RTP3: variants seen among roughly 807,000 people sequenced by gnomAD.
RTP3 encodes receptor transporter protein 3.
A neutral mutation model predicts 6.2 loss-of-function variants in RTP3; 2 were observed. The ratio of observed to expected loss-of-function variants is 0.32; its 90% CI spans 0.13 to 1.02. The LOEUF (loss-of-function observed/expected upper bound fraction) is 1.02, where lower values mean the gene tolerates loss of function less well. Ranked by LOEUF, RTP3 falls within the 50% of genes least tolerant of loss-of-function variation. The pLI is 0.47. For missense variants in RTP3, 252 were observed against 280.8 expected, an observed-to-expected ratio of 0.90 and a Z score of 0.73; for synonymous variants, 106 against 98.3, an observed-to-expected ratio of 1.08 and a Z score of -0.47.
chr3:46,498,598 G>A (rs527485578), intron 1 of RTP3, among the ~76,000 whole-genome samples: 33 of 152,308 alleles, frequency 2.2e-4, no homozygotes, highest in African/African-American at 7.0e-4. Flanking sequence ...AGAGACTCAC[G>A]GCACTGAGCA....
At chr3:46,499,976 A>G (rs1466738864) in intron 1 of RTP3, among the ~76,000 whole-genome samples, 2 of 152,170 alleles carry the variant, frequency 1.3e-5, no homozygotes, top group African/African-American at 2.4e-5. Flanking sequence ...TTGAATCTAC[A>G]TTTGAAGAAG....
At position 46,500,372 on chromosome 3, in the gene RTP3, T is replaced by C; in HGVS notation, c.172T>C (p.Cys58Arg). The change falls in exon 2 of 2, where the codon TGC (cysteine) becomes CGC (arginine). Residue 58 changes from cysteine to arginine, a missense_variant. By Grantham distance (180) the Cys-to-Arg change is radical. Coordinates refer to ENST00000296142, the MANE Select transcript of RTP3 (RefSeq NM_031440.2). The part of the protein sequence containing the change: ...WTFARFQCSS[C>R]SRNWASAQVL... ...TCTCCACAGGTTCCAGTGCTCCTCC[T>C]GCTCTCGTAACTGGGCCTCTGCCCA... is the stretch of plus-strand genomic sequence containing the variant. 6.2e-7 allele frequency: 1 copy of C among 1,610,440 alleles called. No homozygotes were observed. Among genetic ancestry groups the C allele is most frequent in the Non-Finnish European group, 8.5e-7 (1 of 1,178,568 alleles).
Position 46,498,200 on chromosome 3 carries a change from G to A in RTP3, c.138G>A (p.Gln46=). Residue 46 remains glutamine (Q), a synonymous_variant, in exon 1 of 2, where the codon CAG becomes CAA. Coordinates refer to ENST00000296142, the MANE Select transcript of RTP3 (RefSeq NM_031440.2). The part of the protein sequence containing the change: ...NVLKPGWMQY[Q]QWTFARFQCS... ...TGAAGCCAGGCTGGATGCAATACCAGCAGTGGACCTTCGCCAGGTGAGGGG... is the reference window on the plus strand; with the variant it reads ...TGAAGCCAGGCTGGATGCAATACCAACAGTGGACCTTCGCCAGGTGAGGGG... 1 of 1,614,228 alleles carries A rather than the reference G, an allele frequency of 6.2e-7. No homozygotes were observed.
Position 46,498,235 on chromosome 3 carries a change from GGTA to G in RTP3, c.155+19_155+21del. 6.2e-7 allele frequency: 1 copy of G among 1,613,810 alleles called. No individual in the cohort carries two copies. Among genetic ancestry groups the G allele is most frequent in the South Asian group, 1.1e-5 (1 of 91,080 alleles). The stretch of plus-strand genomic sequence containing the variant: ...TTCGCCAGGTGAGGGGGAATGTGAT[GGTA>G]CACGTTCCAGAAAATTCTTGCACAT... On this transcript the variant is annotated intron_variant, in intron 1 of 1. Coordinates refer to ENST00000296142, the MANE Select transcript of RTP3 (RefSeq NM_031440.2).
At chr3:46,500,004 G>A (rs1274820804) in intron 1 of RTP3, among the ~76,000 whole-genome samples, 1 of 152,194 alleles carries the variant, frequency 6.6e-6, no homozygotes, top group East Asian at 1.9e-4. Flanking sequence ...TTGGAATAGG[G>A]AGACCACAGT....
rs1703701046 is a variant in RTP3, at chr3:46,500,849, TGTG to T, written c.650_652del (p.Cys217_Val218delinsPhe). ...TAGGAACTTAAGCATTTTCTGCTGTTGTGTCATTCTCATTGTTATCGTGGTGAT... is the reference window on the plus strand; with the variant it reads ...TAGGAACTTAAGCATTTTCTGCTGTTTCATTCTCATTGTTATCGTGGTGAT... On this transcript the variant is annotated inframe_deletion, in exon 2 of 2. Coordinates refer to ENST00000296142, the MANE Select transcript of RTP3 (RefSeq NM_031440.2). The T allele has an allele frequency of 6.2e-7, 1 of 1,605,774 alleles. No individual in the cohort carries two copies. The highest frequency in any genetic ancestry group is 1.3e-5 in the African/African-American group (1 of 74,624).
At position 46,500,498 on chromosome 3, in the gene RTP3, C is replaced by G. The variant is rs370609761; in HGVS notation, c.298C>G (p.Leu100Val). The change falls in exon 2 of 2, where the codon CTG becomes GTG. Residue 100 changes from leucine (L) to valine (V), a missense_variant. Transcript: ENST00000296142. ...TQRCKKCPQP[L>V]FEDPEFTQEN... ...GAGATGTAAGAAGTGCCCCCAACCT[C>G]TGTTTGAGGACCCTGAGTTCACACA... 1.6e-5 allele frequency: 26 copies of G among 1,614,230 alleles called. No individual in the cohort carries two copies. The African/African-American group carries it at 2.7e-4, about 17-fold the overall frequency.
rs751262731 is a variant in RTP3, at chr3:46,500,713, C to G, written c.513C>G (p.Leu171=). 50 of 1,613,614 alleles carry G rather than the reference C, an allele frequency of 3.1e-5. No individual in the cohort carries two copies. The highest frequency in any genetic ancestry group is 4.2e-5 in the Non-Finnish European group (50 of 1,179,846). Reference sequence around the variant, plus strand: ...CTGGGCCCATACAGGTTACAAGCCTCCCCCCATCTCAGACCCCAAGAGTAC... The same window carrying G: ...CTGGGCCCATACAGGTTACAAGCCTGCCCCCATCTCAGACCCCAAGAGTAC... The part of the protein sequence containing the change: ...FCAGPIQVTS[L]PPSQTPRVHS... The change falls in exon 2 of 2, where the codon CTC becomes CTG. Residue 171 remains leucine (L), a synonymous_variant. Transcript: ENST00000296142.
chr3:46,500,620 C>T lies in RTP3; in HGVS notation c.420C>T (p.Ile140=). 6.2e-7 allele frequency: 1 copy of T among 1,614,160 alleles called. No individual in the cohort carries two copies. The highest frequency in any genetic ancestry group is 1.1e-5 in the South Asian group (1 of 91,064). ...AGTTGATAGAGGAGGTTCCTATGAT[C>T]AAGGACATCTCTCTTGAAGGGCCAC... The part of the protein sequence containing the change: ...RFQLIEEVPM[I]KDISLEGPHN... Residue 140 remains isoleucine, a synonymous_variant, in exon 2 of 2, where the codon ATC becomes ATT. Coordinates refer to ENST00000296142, the MANE Select transcript of RTP3 (RefSeq NM_031440.2).
chr3:46,498,392 A>G (rs1236693891), intron 1 of RTP3, among the ~76,000 whole-genome samples, 175 bp downstream of exon 1: 1 of 152,238 alleles, frequency 6.6e-6, no homozygotes, highest in Non-Finnish European at 1.5e-5. Context: ...CACTATTACA[A>G]TGAACCCCAA....
In RTP3 at chr3:46,498,213, G is replaced by A. The variant is rs775317331; in HGVS notation, c.151G>A (p.Ala51Thr). 5.8e-5 allele frequency: 93 copies of A among 1,614,032 alleles called. No individual in the cohort carries two copies. The highest frequency in any genetic ancestry group is 8.8e-5 in the South Asian group (8 of 91,080). Residue 51 changes from alanine to threonine, a missense_variant, in exon 1 of 2, where the codon GCC (alanine) becomes ACC (threonine). Ala to Thr is a moderately conservative substitution (Grantham distance 58). Coordinates refer to ENST00000296142, the MANE Select transcript of RTP3 (RefSeq NM_031440.2). ...GATGCAATACCAGCAGTGGACCTTC[G>A]CCAGGTGAGGGGGAATGTGATGGTA... ...GWMQYQQWTF[A>T]RFQCSSCSRN...
In RTP3 at chr3:46,500,485, G is replaced by T. The variant is rs200817437; in HGVS notation, c.285G>T (p.Lys95Asn). The change falls in exon 2 of 2, where the codon AAG (lysine) becomes AAT (asparagine). Residue 95 changes from lysine (K) to asparagine (N), a missense_variant. Transcript: ENST00000296142. ...GGGTGTTTACCCAGAGATGTAAGAA[G>T]TGCCCCCAACCTCTGTTTGAGGACC... is the stretch of plus-strand genomic sequence containing the variant. ...KMRVFTQRCK[K>N]CPQPLFEDPE... is the part of the protein sequence containing the mutation. 1.1e-5 allele frequency: 17 copies of T among 1,614,238 alleles called. No homozygotes were observed. The highest frequency in any genetic ancestry group is 1.4e-5 in the Non-Finnish European group (17 of 1,180,042).
At position 46,500,609 on chromosome 3, in the gene RTP3, G is replaced by A. The variant is rs910095140; in HGVS notation, c.409G>A (p.Val137Ile). Residue 137 changes from valine (V) to isoleucine (I), a missense_variant, in exon 2 of 2, where the codon GTT (valine) becomes ATT (isoleucine). Coordinates refer to ENST00000296142, the MANE Select transcript of RTP3 (RefSeq NM_031440.2). ...AGGAAGATTTCAGTTGATAGAGGAG[G>A]TTCCTATGATCAAGGACATCTCTCT... ...YRGRFQLIEE[V>I]PMIKDISLEG... The A allele has an allele frequency of 1.2e-6, 2 of 1,614,172 alleles. No homozygotes were observed. The highest frequency in any genetic ancestry group is 1.1e-5 in the South Asian group (1 of 91,076).
intron 1 of RTP3, 24 bp downstream of exon 1, chr3:46,498,241 C>G (rs375672454): frequency 4.3e-6 from 7 of 1,613,600 alleles, no homozygotes; most frequent in Non-Finnish European, 4.2e-6. Flanking sequence ...TGATGGTACA[C>G]GTTCCAGAAA....
At chr3:46,498,927 C>T (rs1175369272) in intron 1 of RTP3, among the ~76,000 whole-genome samples, 1 of 152,242 alleles carries the variant, frequency 6.6e-6, no homozygotes, top group East Asian at 1.9e-4. Context: ...ACCAAAGTCT[C>T]AGTCCATTTA....
At position 46,500,329 on chromosome 3, in the gene RTP3, G is replaced by A. The variant is rs1216336958; in HGVS notation, c.156-27G>A. Reference sequence around the variant, plus strand: ...CCCGTGATTTGGTCACATGGAGCCAGGCTGAGACTCTCTTCTGTCTCCACA... The same window carrying A: ...CCCGTGATTTGGTCACATGGAGCCAAGCTGAGACTCTCTTCTGTCTCCACA... On this transcript the variant is annotated intron_variant, in intron 1 of 1. Transcript: ENST00000296142. 34 of 1,570,978 alleles carry A rather than the reference G, an allele frequency of 2.2e-5. 2 individuals carry two copies. In the Admixed American group the frequency reaches 5.6e-4, roughly 26 times the overall value.
chr3:46,498,016 A>G lies in RTP3; in HGVS notation c.-47A>G. 6.2e-7 allele frequency: 1 copy of G among 1,604,806 alleles called. No individual in the cohort carries two copies. The highest frequency in any genetic ancestry group is 8.5e-7 in the Non-Finnish European group (1 of 1,172,176). ...CCTCATCTCCCACTACAGACCTGCC[A>G]GGGCCCAGGAGAGCTCGACCCACCC... On this transcript the variant is annotated 5_prime_UTR_variant, in exon 1 of 2. Transcript: ENST00000296142.
chr3:46,498,347 C>A, intron 1 of RTP3, 130 bp downstream of exon 1: 1 of 1,020,496 alleles, frequency 9.8e-7, no homozygotes, highest in Non-Finnish European at 1.5e-6. Flanking sequence ...TGCCCATCAT[C>A]CAAGAAGTTG....
intron 1 of RTP3, among the ~76,000 whole-genome samples, chr3:46,499,620 C>G (rs1348459407): frequency 6.6e-6 from 1 of 152,218 alleles, no homozygotes; most frequent in East Asian, 1.9e-4. Context: ...TCAAAAACTG[C>G]CCTCCTCCCT....
Sources: allele counts gnomAD v4.1 joint callset (sites outside exome capture counted in the v4.1 genomes callset), GRCh38; gene constraint gnomAD v4.1.1; transcripts MANE v1.5; gene names NCBI Gene and HGNC (gene_info 2026-07-23, HGNC 2026-07-21).